Variants in TMPRSS15 observed in about 807,000 individuals in gnomAD.
The protein encoded by TMPRSS15 is enteropeptidase.
A neutral mutation model predicts 125.3 loss-of-function variants in TMPRSS15; 128 were observed. That is an observed-to-expected ratio of 1.02 (90% CI 0.89 to 1.18). TMPRSS15 has a LOEUF of 1.18. TMPRSS15 is among the 50% of genes most tolerant of loss of function. The pLI, the probability that TMPRSS15 is intolerant of heterozygous loss-of-function variation, is 0.00. For synonymous variants in TMPRSS15, 446 were observed against 423.2 expected (o/e 1.05, Z -0.66); for missense variants, 1,283 against 1,212.7 (o/e 1.06, Z -0.86).
At chr21:18,449,368 G>A (rs1569071199) in intron 1 of TMPRSS15, among the ~76,000 whole-genome samples, 1 of 152,136 alleles carries the variant, frequency 6.6e-6, no homozygotes, top group East Asian at 1.9e-4. Context: ...TACATGTCAA[G>A]GTGGTACATG....
chr21:18,402,081 C>T (rs1361758871), intron 1 of TMPRSS15, among the ~76,000 whole-genome samples: 3 of 151,956 alleles, frequency 2.0e-5, no homozygotes. Flanking sequence ...TAAAATATAG[C>T]CCGTGTGTAT....
intron 16 of TMPRSS15, among the ~76,000 whole-genome samples, chr21:18,319,488 G>A (rs1431350580): frequency 6.8e-6 from 1 of 147,646 alleles, no homozygotes; most frequent in African/African-American, 2.5e-5. Flanking sequence ...GAGTACAATG[G>A]CGCCATCTCG....
intron 1 of TMPRSS15, among the ~76,000 whole-genome samples, chr21:18,440,992 A>AG (rs1237465136): frequency 3.4e-4 from 52 of 152,320 alleles, no homozygotes; most frequent in African/African-American, 1.2e-3. Flanking sequence ...TTGTAAAAAA[A>AG]ATAGGATTAT....
At chr21:18,406,412 T>C (rs139585829), upstream of TMPRSS15, among the ~76,000 whole-genome samples, 182 of 152,212 alleles carry the variant, frequency 1.2e-3, 1 homozygote, top group Middle Eastern at 0.01. Context: ...CCTGTGAGTA[T>C]AGAATCCTTA....
At chr21:18,458,076 T>C (rs1489718536) in intron 1 of TMPRSS15, among the ~76,000 whole-genome samples, 1 of 152,124 alleles carries the variant, frequency 6.6e-6, no homozygotes, top group Non-Finnish European at 1.5e-5. Context: ...TCCTTCTTTG[T>C]CCACTAATCA....
intron 1 of TMPRSS15, among the ~76,000 whole-genome samples, chr21:18,445,338 T>C (rs2076253112): frequency 6.6e-6 from 1 of 151,492 alleles, no homozygotes; most frequent in Non-Finnish European, 1.5e-5. Context: ...GCACCACCAC[T>C]CCTGGCTAAT....
At chr21:18,470,079 A>G (rs1440439835) in intron 1 of TMPRSS15, among the ~76,000 whole-genome samples, 3 of 152,064 alleles carry the variant, frequency 2.0e-5, no homozygotes, top group African/African-American at 7.2e-5. Context: ...TCTGGTGAAC[A>G]AATCTACTAG....
chr21:18,407,444 TTTTC>T (rs2076155089), upstream of TMPRSS15, among the ~76,000 whole-genome samples: 1 of 118,292 alleles, frequency 8.5e-6, no homozygotes, highest in Non-Finnish European at 1.7e-5. Context: ...TCTTTTTTTC[TTTTC>T]TTTTTTTTTT....
chr21:18,404,953 T>A (rs991639187), upstream of TMPRSS15, among the ~76,000 whole-genome samples: 1 of 152,228 alleles, frequency 6.6e-6, no homozygotes, highest in South Asian at 2.1e-4. Flanking sequence ...ACACCACTTA[T>A]GGACTTGGGA....
chr21:18,319,915 T>C (rs558778901), intron 16 of TMPRSS15, among the ~76,000 whole-genome samples: 5 of 152,338 alleles, frequency 3.3e-5, no homozygotes, highest in African/African-American at 1.2e-4. Flanking sequence ...ATCTGAAATC[T>C]AAGTTACCTT....
At chr21:18,417,608 G>A (rs978155664) in intron 1 of TMPRSS15, among the ~76,000 whole-genome samples, 1 of 152,050 alleles carries the variant, frequency 6.6e-6, no homozygotes, top group Non-Finnish European at 1.5e-5. Context: ...ATTAACTTCA[G>A]GCTCTCAATA....
At chr21:18,341,573 A>G in intron 12 of TMPRSS15, 25 bp from the exon 13 acceptor site, 2 of 1,613,448 alleles carry the variant, frequency 1.2e-6, no homozygotes, top group Admixed American at 3.3e-5. Context: ...GGCATATGAA[A>G]CGATTTGATT....
chr21:18,342,645 C>T (rs181813425), intron 12 of TMPRSS15, among the ~76,000 whole-genome samples: 19 of 152,244 alleles, frequency 1.2e-4, no homozygotes, highest in African/African-American at 4.1e-4. Context: ...TTTTCCCTTA[C>T]CCTTCTCTGA....
At chr21:18,476,910 T>C (rs990075970) in intron 1 of TMPRSS15, among the ~76,000 whole-genome samples, 1 of 152,024 alleles carries the variant, frequency 6.6e-6, no homozygotes, top group Admixed American at 6.6e-5. Flanking sequence ...TCTCTCTTTT[T>C]TTTTTTATTC....
intron 1 of TMPRSS15, among the ~76,000 whole-genome samples, chr21:18,440,339 C>G (rs1399248228): frequency 1.6e-5 from 2 of 121,698 alleles, no homozygotes; most frequent in African/African-American, 6.5e-5. Flanking sequence ...CGCCACTGCA[C>G]TCCAGCCTGG....
At chr21:18,374,221 C>A (rs1193486603) in intron 5 of TMPRSS15, among the ~76,000 whole-genome samples, 2 of 151,980 alleles carry the variant, frequency 1.3e-5, no homozygotes, top group Admixed American at 6.6e-5. Flanking sequence ...CGCCTGTAAT[C>A]CCAGCACTTT....
intron 7 of TMPRSS15, among the ~76,000 whole-genome samples, chr21:18,363,971 A>G (rs376051910): frequency 1.3e-5 from 2 of 152,078 alleles, no homozygotes; most frequent in South Asian, 4.1e-4. Context: ...TCGAAATAAA[A>G]AATAAAGGGA....
intron 4 of TMPRSS15, among the ~76,000 whole-genome samples, chr21:18,382,722 A>G (rs1006754418): frequency 6.6e-6 from 1 of 152,110 alleles, no homozygotes; most frequent in African/African-American, 2.4e-5. Context: ...CTGAATTCCA[A>G]AATGTATTTG....
rs1268583208 is a variant in TMPRSS15, at chr21:18,294,286, C to T, written c.2470G>A (p.Ala824Thr). The T allele has an allele frequency of 5.0e-6, 8 of 1,614,052 alleles. No homozygotes were observed. The highest frequency in any genetic ancestry group is 4.5e-5 in the East Asian group (2 of 44,884). The change falls in exon 21 of 25, where the codon GCA (alanine) becomes ACA (threonine). Residue 824 changes from alanine (A) to threonine (T), a missense_variant. Transcript: ENST00000284885. Reference protein sequence around the residue: ...LVSSDWLVSAAHCVYGRNLEP... With the variant: ...LVSSDWLVSATHCVYGRNLEP... ...CACACTCACCCATACACGCAGTGTG[C>T]GGCGGACACCAGCCAGTCACTGCTG...
Sources: allele counts gnomAD v4.1 joint callset (sites outside exome capture counted in the v4.1 genomes callset), GRCh38; gene constraint gnomAD v4.1.1; transcripts MANE v1.5; gene names NCBI Gene and HGNC (gene_info 2026-07-23, HGNC 2026-07-21).